The following PDLIM3 variants were observed in gnomAD, a reference collection of about 807,000 sequenced individuals.
PDLIM3 encodes the protein PDZ and LIM domain 3.
A neutral mutation model predicts 37.3 loss-of-function variants in PDLIM3; 36 were observed. The ratio of observed to expected loss-of-function variants is 0.97; its 90% CI spans 0.74 to 1.28. The LOEUF (loss-of-function observed/expected upper bound fraction) is 1.28. Ranked by LOEUF, PDLIM3 falls within the 50% of genes most tolerant of loss-of-function variation. The pLI, the probability that PDLIM3 is intolerant of heterozygous loss-of-function variation, is 0.00. For synonymous variants in PDLIM3, 174 were observed against 182.4 expected (o/e 0.95, Z 0.37); for missense variants, 454 against 485.0 (o/e 0.94, Z 0.60).
Position 185,514,693 on chromosome 4 carries a change from G to A in PDLIM3, c.331-356C>T, listed in dbSNP as rs143457285. On this transcript the variant is annotated intron_variant, in intron 3 of 7. Coordinates refer to ENST00000284767, the MANE Select transcript of PDLIM3 (RefSeq NM_014476.6). The surrounding 1 kb of genome is among the most constrained non-coding windows in gnomAD (Gnocchi z 4.0). ...GGTACACTGTGGCCAGAACAGAGCC[G>A]GATACTTACTTTTGAGGTGAGCTAG... The A allele has an allele frequency of 4.5e-4, 701 of 1,550,814 alleles. 8 individuals carry two copies. The East Asian group carries it at 0.015, about 33-fold the overall frequency.
In PDLIM3 at chr4:185,506,943, A is replaced by G. The variant is rs1177126671; in HGVS notation, c.663-291T>C. 15 of 360,748 alleles carry G rather than the reference A, an allele frequency of 4.2e-5. No homozygotes were observed. The East Asian group carries it at 8.0e-4, about 19-fold the overall frequency. The allele number at this position is 360,748 out of a possible 1,614,324, so 22.3% of individuals were successfully genotyped here. On this transcript the variant is annotated intron_variant, in intron 5 of 7. Coordinates refer to ENST00000284767, the MANE Select transcript of PDLIM3 (RefSeq NM_014476.6). ...AATTGTCAGGAAATAGTAATTAAGA[A>G]GAACAAGACTTGAGTCTGATGGATA...
Position 185,512,958 on chromosome 4 carries a change from C to T in PDLIM3, c.398+1312G>A, listed in dbSNP as rs989435810. The stretch of plus-strand genomic sequence containing the variant: ...GACACAGAGCTGCCAGCATCGGGAG[C>T]GAGACGGCTCTGGACTCTTCTTGCC... On this transcript the variant is annotated intron_variant, in intron 4 of 7. Transcript: ENST00000284767. 1.1e-5 allele frequency: 11 copies of T among 985,412 alleles called. No individual in the cohort carries two copies. The South Asian group carries it at 1.9e-4, about 17-fold the overall frequency. The allele number at this position is 985,412 out of a possible 1,614,324, so 61.0% of individuals were successfully genotyped here.
At chr4:185,524,979 G>A (rs2095730415) in intron 2 of PDLIM3, 41 bp downstream of exon 2, 1 of 1,604,366 alleles carries the variant, frequency 6.2e-7, no homozygotes, top group Admixed American at 1.7e-5. Context: ...AGGTTCTCCT[G>A]CAAAACAGAT....
Position 185,504,116 on chromosome 4 carries a change from T to C in PDLIM3, c.905+359A>G, listed in dbSNP as rs1268268332. On this transcript the variant is annotated intron_variant, in intron 7 of 7. Coordinates refer to ENST00000284767, the MANE Select transcript of PDLIM3 (RefSeq NM_014476.6). This position sits in a 1 kb window ranked among gnomAD's most constrained non-coding sequence, Gnocchi z 4.7. ...AGGAGGATACTATGTATACTAAATG[T>C]ATACACAGTTCATGTATGCATTTAC... is the stretch of plus-strand genomic sequence containing the variant. Among the ~76,000 whole-genome samples the C allele has an allele frequency of 6.6e-6, 1 of 152,210 alleles. No individual in the cohort carries two copies. The highest frequency in any genetic ancestry group is 1.5e-5 in the Non-Finnish European group (1 of 68,036).
At chr4:185,517,532 G>T (rs2095716829) in intron 3 of PDLIM3, 1 of 151,406 alleles carries the variant, frequency 6.6e-6, no homozygotes, top group Admixed American at 6.6e-5. Context: ...TGTAAATAAG[G>T]CAACTTCTCT....
rs577853473 is a variant in PDLIM3 at position 185,523,435 on chromosome 4, T to C, written c.257A>G (p.His86Arg). The change falls in exon 3 of 8, where the codon CAC (histidine) becomes CGC (arginine). Residue 86 changes from histidine (H) to arginine (R), a missense_variant. Transcript: ENST00000284767. ...TTCAGATACTTGTGGAGACCATAAG[T>C]GAGTTTCTCCCCTGGAAATAAAATA... ...LCLKIDRGETHLWSPQVSEDG... is the reference protein window; with the variant it reads ...LCLKIDRGETRLWSPQVSEDG... The C allele has an allele frequency of 9.4e-6, 15 of 1,602,208 alleles. No homozygotes were observed. The South Asian group carries it at 1.2e-4, about 13-fold the overall frequency.
chr4:185,508,625 A>G, intron 4 of PDLIM3, 63 bp from the exon 5 acceptor site: 1 of 1,529,328 alleles, frequency 6.5e-7, no homozygotes, highest in Non-Finnish European at 9.0e-7. Context: ...CAGACAGAAG[A>G]ACACAGAGAA....
rs1554037042 is a variant in PDLIM3 at position 185,502,252 on chromosome 4, C to CGCGTGGGTGGGTGCGT, written c.*26_*41dup. On this transcript the variant is annotated 3_prime_UTR_variant, in exon 8 of 8. Transcript: ENST00000284767. ...CCATGAATGTCTTCTCGTGTAAGTG[C>CGCGTGGGTGGGTGCGT]GCGTGGGTGGGTGCGTGCGTGCGTG... is the stretch of plus-strand genomic sequence containing the variant. The CGCGTGGGTGGGTGCGT allele has an allele frequency of 1.9e-6, 3 of 1,587,216 alleles. No homozygotes were observed. The highest frequency in any genetic ancestry group is 2.2e-5 in the South Asian group (2 of 90,532).
intron 6 of PDLIM3, among the ~76,000 whole-genome samples, chr4:185,505,419 C>T (rs28706547): frequency 0.017 from 2,601 of 152,192 alleles, 28 homozygotes; most frequent in Non-Finnish European, 0.025. Context: ...GTCAGGAGTT[C>T]GAGACCAGCC....
chr4:185,532,829 G>A (rs1254822228), intron 1 of PDLIM3, among the ~76,000 whole-genome samples: 1 of 152,232 alleles, frequency 6.6e-6, no homozygotes, highest in Admixed American at 6.5e-5. Flanking sequence ...GGAGCCAAAT[G>A]TCTAGGCGTG....
intron 5 of PDLIM3, chr4:185,506,905 G>A: frequency 4.6e-6 from 2 of 437,854 alleles, no homozygotes; most frequent in Non-Finnish European, 8.4e-6. Flanking sequence ...ACTTTGGAAG[G>A]AAACTAAAAG....
At chr4:185,508,269 A>ATGCC in intron 5 of PDLIM3, 30 bp downstream of exon 5, 1 of 1,610,044 alleles carries the variant, frequency 6.2e-7, no homozygotes, top group Non-Finnish European at 8.5e-7. Flanking sequence ...TTTAGTTAAT[A>ATGCC]TGCCCATGGT....
intron 7 of PDLIM3, among the ~76,000 whole-genome samples, chr4:185,503,799 T>C (rs1391268965): frequency 2.0e-5 from 3 of 151,964 alleles, no homozygotes; most frequent in African/African-American, 7.3e-5. Context: ...AATACAAAAA[T>C]TAGCCAGGTG....
chr4:185,529,875 G>A (rs975748167), intron 1 of PDLIM3, among the ~76,000 whole-genome samples: 2 of 152,094 alleles, frequency 1.3e-5, no homozygotes, highest in South Asian at 2.1e-4. Flanking sequence ...ATCTGGGTCC[G>A]CCTCGCTCTA....
rs1339433356 is a variant in PDLIM3 at position 185,502,408 on chromosome 4, G to C, written c.981C>G (p.Leu327=). ...CFVCADCNLN[L]KQKGYFFIEG... ...CTATGAAGAAGTAGCCCTTTTGCTT[G>C]AGGTTGAGGTTGCAGTCGGCACACA... Residue 327 remains leucine (L), a synonymous_variant, in exon 8 of 8, where the codon CTC becomes CTG. Coordinates refer to ENST00000284767, the MANE Select transcript of PDLIM3 (RefSeq NM_014476.6). 3 of 1,614,108 alleles carry C rather than the reference G, an allele frequency of 1.9e-6. No homozygotes were observed. Among genetic ancestry groups the C allele is most frequent in the Non-Finnish European group, 2.5e-6 (3 of 1,180,052 alleles).
intron 3 of PDLIM3, among the ~76,000 whole-genome samples, chr4:185,522,984 G>C (rs986080032): frequency 6.6e-6 from 1 of 152,238 alleles, no homozygotes; most frequent in Admixed American, 6.5e-5. Context: ...GTAGATTGGA[G>C]ACACCTGTTT....
chr4:185,507,466 CTA>C (rs1485157289), intron 5 of PDLIM3, among the ~76,000 whole-genome samples: 2 of 151,948 alleles, frequency 1.3e-5, no homozygotes, highest in Non-Finnish European at 2.9e-5. Flanking sequence ...TTTTTATTCC[CTA>C]TGTCATATTT....
intron 4 of PDLIM3, among the ~76,000 whole-genome samples, chr4:185,509,509 T>G (rs1434500573): frequency 6.6e-6 from 1 of 152,138 alleles, no homozygotes; most frequent in African/African-American, 2.4e-5. Context: ...TACATTCTAT[T>G]TGGAAACTGG....
Position 185,500,758 on chromosome 4 carries a change from C to T in PDLIM3, c.*1536G>A, listed in dbSNP as rs913268438. On this transcript the variant is annotated 3_prime_UTR_variant, in exon 8 of 8. Coordinates refer to ENST00000284767, the MANE Select transcript of PDLIM3 (RefSeq NM_014476.6). ...TGCAATGTCAAATGCCTACAGGGGC[C>T]AGGCACGTGTTTTGGCTCCTCTCAA... 2 of 152,168 alleles carry T rather than the reference C, an allele frequency of 1.3e-5. No homozygotes were observed. Among genetic ancestry groups the T allele is most frequent in the Admixed American group, 1.3e-4 (2 of 15,270 alleles). The allele number at this position is 152,168 out of a possible 1,614,324, so 9.4% of individuals were successfully genotyped here.
Sources: gnomAD v4.1 joint callset for allele counts (sites outside exome capture counted in the v4.1 genomes callset) on GRCh38, gnomAD v4.1.1 for gene constraint, Gnocchi (gnomAD v3.1) non-coding constraint, MANE v1.5 for transcripts, NCBI Gene and HGNC (gene_info 2026-07-23, HGNC 2026-07-21) for gene names.